CLEC16A: variants seen among roughly 807,000 people sequenced by gnomAD.
The protein encoded by CLEC16A is C-type lectin domain containing 16A.
Under a neutral mutation model 109.5 loss-of-function variants are expected in CLEC16A, and 51 were observed. That is an observed-to-expected ratio of 0.47 (90% CI 0.37 to 0.59). The LOEUF is 0.59. CLEC16A is among the 20% of genes least tolerant of loss of function. The pLI, the probability that CLEC16A is intolerant of heterozygous loss-of-function variation, is 0.00. For synonymous variants in CLEC16A, 673 were observed against 564.2 expected (o/e 1.19, Z -2.73); for missense variants, 1,339 against 1,394.0 (o/e 0.96, Z 0.63).
intron 22 of CLEC16A, among the ~76,000 whole-genome samples, chr16:11,165,710 C>T (rs1256640746): frequency 6.6e-6 from 1 of 152,154 alleles, no homozygotes; most frequent in Non-Finnish European, 1.5e-5. Flanking sequence ...GTCTGAGTGT[C>T]TCCAAGATGA....
At chr16:11,099,692 C>A (rs2050800002) in intron 19 of CLEC16A, among the ~76,000 whole-genome samples, 1 of 152,176 alleles carries the variant, frequency 6.6e-6, no homozygotes, top group Non-Finnish European at 1.5e-5. Flanking sequence ...GCCCAGGCGT[C>A]CTCGTCTGGA....
At chr16:11,097,290 A>G (rs1043592159) in intron 19 of CLEC16A, among the ~76,000 whole-genome samples, 1 of 152,186 alleles carries the variant, frequency 6.6e-6, no homozygotes, top group African/African-American at 2.4e-5. Context: ...AAAATTCACA[A>G]CTGTGAGTAA....
At chr16:11,065,371 G>A (rs994196643) in intron 19 of CLEC16A, among the ~76,000 whole-genome samples, 7 of 152,190 alleles carry the variant, frequency 4.6e-5, no homozygotes, top group African/African-American at 1.7e-4. Flanking sequence ...CATAGTTGCA[G>A]CCATAGCATG....
intron 19 of CLEC16A, among the ~76,000 whole-genome samples, chr16:11,067,955 C>G (rs748808383): frequency 6.6e-6 from 1 of 152,180 alleles, no homozygotes; most frequent in Non-Finnish European, 1.5e-5. Context: ...AACAACAACC[C>G]AACTATTTGG....
intron 17 of CLEC16A, 56 bp downstream of exon 17, chr16:11,047,398 C>T: frequency 4.3e-6 from 6 of 1,395,590 alleles, no homozygotes; most frequent in Non-Finnish European, 4.8e-6. Flanking sequence ...CCCTGCCAAG[C>T]TCCCCCTGCC....
chr16:11,139,220 A>C (rs1050007964), intron 22 of CLEC16A, among the ~76,000 whole-genome samples: 2 of 152,062 alleles, frequency 1.3e-5, no homozygotes, highest in East Asian at 3.9e-4. Context: ...GGGGTGGCCC[A>C]CTCATAGCTT....
At chr16:11,173,133 C>T (rs554030706) in intron 23 of CLEC16A, among the ~76,000 whole-genome samples, 6 of 152,270 alleles carry the variant, frequency 3.9e-5, no homozygotes, top group South Asian at 2.1e-4. Context: ...ACCCACATGC[C>T]ACTCAACTCG....
At chr16:10,975,268 G>T (rs2042979653) in intron 7 of CLEC16A, among the ~76,000 whole-genome samples, 1 of 152,158 alleles carries the variant, frequency 6.6e-6, no homozygotes. Context: ...GGTGGAGGTT[G>T]CAGTGAGCTG....
chr16:11,147,550 A>G (rs1305561974), intron 22 of CLEC16A, among the ~76,000 whole-genome samples: 1 of 152,222 alleles, frequency 6.6e-6, no homozygotes, highest in Non-Finnish European at 1.5e-5. Context: ...CCCTGCTGCA[A>G]GCTCTACTCA....
chr16:11,158,754 T>C (rs1396399918), intron 22 of CLEC16A, among the ~76,000 whole-genome samples: 1 of 152,112 alleles, frequency 6.6e-6, no homozygotes, highest in Non-Finnish European at 1.5e-5. Context: ...GACCCATCTC[T>C]ACTAAAAATA....
At chr16:11,145,060 C>T (rs1485163754) in intron 22 of CLEC16A, among the ~76,000 whole-genome samples, 2 of 152,124 alleles carry the variant, frequency 1.3e-5, no homozygotes, top group Non-Finnish European at 2.9e-5. Flanking sequence ...CTGTGAAAAC[C>T]ACCATGTGCA....
chr16:11,130,214 C>T (rs1396523039), intron 22 of CLEC16A, among the ~76,000 whole-genome samples: 6 of 152,128 alleles, frequency 3.9e-5, no homozygotes, highest in Admixed American at 6.5e-5. Flanking sequence ...AGCTCTGTGC[C>T]CCCACTTAGT....
At chr16:10,994,570 T>C (rs2044222000) in intron 10 of CLEC16A, among the ~76,000 whole-genome samples, 2 of 152,078 alleles carry the variant, frequency 1.3e-5, no homozygotes, top group African/African-American at 2.4e-5. Flanking sequence ...TGTGAAAAGA[T>C]GTGTGTGTCT....
intron 13 of CLEC16A, among the ~76,000 whole-genome samples, chr16:11,029,100 C>T (rs1305472406): frequency 6.6e-6 from 1 of 152,090 alleles, no homozygotes; most frequent in Non-Finnish European, 1.5e-5. Context: ...GCTGATGGTT[C>T]AGTTAATTGG....
At chr16:11,015,010 A>T (rs2045656731) in intron 11 of CLEC16A, among the ~76,000 whole-genome samples, 1 of 152,224 alleles carries the variant, frequency 6.6e-6, no homozygotes, top group African/African-American at 2.4e-5. Context: ...ACCTGCTACC[A>T]ACTGGTCCCA....
At position 11,174,025 on chromosome 16, in the gene CLEC16A, G is replaced by C; in HGVS notation, c.2807-4310G>C. The C allele has an allele frequency of 2.7e-6, 1 of 367,390 alleles. No individual in the cohort carries two copies. The highest frequency in any genetic ancestry group is 5.6e-6 in the Non-Finnish European group (1 of 179,468). The allele number at this position is 367,390 out of a possible 1,614,324, so 22.8% of individuals were successfully genotyped here. A position where few individuals can be genotyped will look rare whatever the true frequency, so the allele number is the denominator to read the frequency against. The stretch of plus-strand genomic sequence containing the variant: ...ACCGGTGGCCACAAGCCCATGCTGG[G>C]CACTGCCCCACGACCCTCGCCCCTC... On this transcript the variant is annotated intron_variant, in intron 23 of 23. Transcript: ENST00000409790. The surrounding 1 kb of genome is among the most constrained non-coding windows in gnomAD (Gnocchi z 4.7).
rs1182842802 is a variant in CLEC16A at position 10,982,934 on chromosome 16, G to T, written c.1014G>T (p.Leu338=). ...TGAACTCGTTAGCTGAAGTCATTCT[G>T]AATGGTGATCTGTCTGAGATGTACG... ...PLVNSLAEVI[L]NGDLSEMYAK... is the part of the protein sequence containing the mutation. The change falls in exon 10 of 24, where the codon CTG becomes CTT. Residue 338 remains leucine, a synonymous_variant. Transcript: ENST00000409790. 5 of 1,613,250 alleles carry T rather than the reference G, an allele frequency of 3.1e-6. No homozygotes were observed. The highest frequency in any genetic ancestry group is 3.3e-5 in the Admixed American group (2 of 60,002).
At chr16:11,057,641 C>A (rs1271835138) in intron 18 of CLEC16A, among the ~76,000 whole-genome samples, 3 of 152,246 alleles carry the variant, frequency 2.0e-5, no homozygotes, top group African/African-American at 4.8e-5. Context: ...CTTCCTGGGT[C>A]AGTCCTTCCT....
chr16:11,169,010 G>A (rs2068392831), intron 23 of CLEC16A, among the ~76,000 whole-genome samples: 1 of 152,218 alleles, frequency 6.6e-6, no homozygotes, highest in Admixed American at 6.5e-5. Flanking sequence ...CAGCCAGGCA[G>A]CGGGGTGGGC....
Sources: allele counts gnomAD v4.1 joint callset (sites outside exome capture counted in the v4.1 genomes callset), GRCh38; gene constraint gnomAD v4.1.1; non-coding constraint Gnocchi (gnomAD v3.1); transcripts MANE v1.5; gene names NCBI Gene and HGNC (gene_info 2026-07-23, HGNC 2026-07-21).